DGKH: variants seen among roughly 807,000 people sequenced by gnomAD.
The protein encoded by DGKH is DAG kinase eta.
In DGKH, 90 loss-of-function variants were observed where a neutral mutation model predicts 159.3. The observed-to-expected ratio is 0.57, with a 90% confidence interval of 0.48 to 0.67. The LOEUF (loss-of-function observed/expected upper bound fraction) is 0.67. Among genes scored for constraint, DGKH ranks in the 30% least tolerant of loss-of-function variants. DGKH has a pLI of 0.00. For missense variants in DGKH, 1,181 were observed against 1,506.1 expected (o/e 0.78, Z 3.57); for synonymous variants, 536 against 553.8 (o/e 0.97, Z 0.45).
At chr13:42,140,026 T>A (rs995998994) in intron 3 of DGKH, among the ~76,000 whole-genome samples, 17 of 152,186 alleles carry the variant, frequency 1.1e-4, no homozygotes, top group African/African-American at 4.1e-4. Context: ...GCCCAGACCA[T>A]TCAGGATTCC....
At chr13:42,162,952 G>A (rs1956224021) in intron 7 of DGKH, among the ~76,000 whole-genome samples, 1 of 150,856 alleles carries the variant, frequency 6.6e-6, no homozygotes, top group South Asian at 2.1e-4. Flanking sequence ...ATGCTAGTGT[G>A]CTGCACCCAT....
In DGKH at chr13:42,160,103, A is replaced by G; in HGVS notation, c.822A>G (p.Leu274=). 3 of 1,614,266 alleles carry G rather than the reference A, an allele frequency of 1.9e-6. No homozygotes were observed. Among genetic ancestry groups the G allele is most frequent in the Non-Finnish European group, 2.5e-6 (3 of 1,180,048 alleles). ...AAACATGTGGCAGTGTTCTCCGTCT[A>G]CAGGATTGGAAATGCCTTTGGTGTA... The part of the protein sequence containing the change: ...CDKTCGSVLR[L]QDWKCLWCKT... The change falls in exon 7 of 30, where the codon CTA becomes CTG. Residue 274 remains leucine, a synonymous_variant. Coordinates refer to ENST00000337343, the MANE Select transcript of DGKH (RefSeq NM_178009.5).
intron 13 of DGKH, among the ~76,000 whole-genome samples, 180 bp downstream of exon 13, chr13:42,178,400 TG>T (rs1247031587): frequency 1.3e-5 from 2 of 152,192 alleles, no homozygotes; most frequent in Non-Finnish European, 2.9e-5. Context: ...TTATTTGCAG[TG>T]GTGTATACTT....
chr13:42,210,383 A>G (rs931509938), intron 23 of DGKH, among the ~76,000 whole-genome samples: 8 of 151,868 alleles, frequency 5.3e-5, no homozygotes, highest in African/African-American at 1.7e-4. Flanking sequence ...CTTGACCTAA[A>G]TCTCTTTTTT....
Position 42,178,134 on chromosome 13 carries a change from G to C in DGKH, c.1453-1G>C. The C allele has an allele frequency of 6.2e-7, 1 of 1,605,722 alleles. No individual in the cohort carries two copies. The highest frequency in any genetic ancestry group is 8.5e-7 in the Non-Finnish European group (1 of 1,174,932). The stretch of plus-strand genomic sequence containing the variant: ...ACAGTGTAGAGTTTTCTTTTCTTCA[G>C]ATGACGATTTATGAAGACTCAGTTG... On this transcript the variant is annotated splice_acceptor_variant, in intron 12 of 29. Transcript: ENST00000337343. LOFTEE classifies it high-confidence loss of function.
At chr13:42,225,361 T>G in intron 29 of DGKH, 6 of 1,563,240 alleles carry the variant, frequency 3.8e-6, no homozygotes, top group Non-Finnish European at 5.2e-6. Flanking sequence ...GTTTAGTTTA[T>G]TTTTTGTTTT....
downstream of DGKH, among the ~76,000 whole-genome samples, chr13:42,247,156 A>C (rs1389369463): frequency 6.6e-6 from 1 of 152,052 alleles, no homozygotes; most frequent in Non-Finnish European, 1.5e-5. Context: ...ATTACATACA[A>C]TACATAATAC....
chr13:42,129,513 T>A (rs1364200005), intron 2 of DGKH, 39 bp from the exon 3 acceptor site: 3 of 1,541,724 alleles, frequency 1.9e-6, no homozygotes, highest in Non-Finnish European at 2.7e-6. Context: ...TGAGTTAGGT[T>A]TTCTTCTAAT....
At chr13:42,226,793 G>A (rs763485819) in intron 29 of DGKH, among the ~76,000 whole-genome samples, 68 of 151,382 alleles carry the variant, frequency 4.5e-4, no homozygotes, top group Non-Finnish European at 1.8e-4. Context: ...GGAAGCAGAG[G>A]TTGCAGTGAG....
intron 28 of DGKH, among the ~76,000 whole-genome samples, chr13:42,220,215 A>G (rs148955188): frequency 1.6e-4 from 25 of 152,334 alleles, no homozygotes; most frequent in African/African-American, 6.0e-4. Flanking sequence ...TAAATGGAAC[A>G]TAGAAACTTT....
chr13:42,107,425 G>T (rs978275762), intron 1 of DGKH, among the ~76,000 whole-genome samples: 6 of 152,216 alleles, frequency 3.9e-5, no homozygotes, highest in Non-Finnish European at 7.3e-5. Flanking sequence ...CCAGTGGGAG[G>T]CCTTCCATGC....
intron 16 of DGKH, among the ~76,000 whole-genome samples, chr13:42,193,447 G>A (rs1045798084): frequency 6.6e-6 from 1 of 152,164 alleles, no homozygotes; most frequent in Admixed American, 6.5e-5. Flanking sequence ...GAAATGAATA[G>A]CAATAGTGGA....
chr13:42,201,214 A>G (rs1957339786), intron 20 of DGKH, among the ~76,000 whole-genome samples: 1 of 152,076 alleles, frequency 6.6e-6, no homozygotes, highest in South Asian at 2.1e-4. Context: ...GATGGTTTCC[A>G]TCTCTTGACC....
chr13:42,180,847 C>A (rs9533024), intron 13 of DGKH, among the ~76,000 whole-genome samples: 53,068 of 151,910 alleles, frequency 0.35, 10,082 homozygotes, highest in Non-Finnish European at 0.44. Flanking sequence ...ATTTCTTCTT[C>A]TTATTATTTT....
At chr13:42,181,722 A>T in intron 13 of DGKH, 2 of 736,874 alleles carry the variant, frequency 2.7e-6, no homozygotes, top group Non-Finnish European at 4.1e-6. Context: ...AGCAGGGCCC[A>T]CAGCCACGCC....
At chr13:42,107,217 G>A (rs1298347566) in intron 1 of DGKH, among the ~76,000 whole-genome samples, 1 of 152,242 alleles carries the variant, frequency 6.6e-6, no homozygotes, top group Non-Finnish European at 1.5e-5. Flanking sequence ...GGTGAGTCAC[G>A]AGAGGAAAGG....
At chr13:42,163,367 G>T (rs1354684117) in intron 7 of DGKH, among the ~76,000 whole-genome samples, 2 of 152,130 alleles carry the variant, frequency 1.3e-5, no homozygotes, top group African/African-American at 4.8e-5. Context: ...TAGTCTTTGG[G>T]TATATACCCA....
At chr13:42,083,581 C>G (rs571098338) in intron 1 of DGKH, among the ~76,000 whole-genome samples, 90 of 152,268 alleles carry the variant, frequency 5.9e-4, no homozygotes, top group Non-Finnish European at 7.8e-4. Flanking sequence ...CTTCCCTGCC[C>G]TGGGGTATAG....
chr13:42,254,654 A>T (rs1208735701), intron 30 of DGKH, among the ~76,000 whole-genome samples: 2 of 152,030 alleles, frequency 1.3e-5, no homozygotes, highest in African/African-American at 2.4e-5. Context: ...AAAGAATGTT[A>T]TATAGTTATA....
Sources: gnomAD v4.1 joint callset for allele counts (sites outside exome capture counted in the v4.1 genomes callset) on GRCh38, gnomAD v4.1.1 for gene constraint, MANE v1.5 for transcripts, NCBI Gene and HGNC (gene_info 2026-07-23, HGNC 2026-07-21) for gene names.